The following BMPR1A variants were observed in gnomAD, a reference collection of about 807,000 sequenced individuals.
The protein encoded by BMPR1A is bone morphogenetic protein receptor type-1A.
In BMPR1A, 7 loss-of-function variants were observed where a neutral mutation model predicts 66.0. The observed-to-expected ratio is 0.11, with a 90% CI of 0.06 to 0.20. The LOEUF (loss-of-function observed/expected upper bound fraction) is 0.20. Among genes scored for constraint, BMPR1A ranks in the 10% least tolerant of loss-of-function variants. BMPR1A has a pLI of 1.00. For synonymous variants in BMPR1A, 200 were observed against 229.7 expected, an observed-to-expected ratio of 0.87 and a Z score of 1.17; for missense variants, 408 against 669.1, an observed-to-expected ratio of 0.61 and a Z score of 4.31.
intron 1 of BMPR1A, among the ~76,000 whole-genome samples, chr10:86,804,265 G>C (rs1841853692): frequency 6.6e-6 from 1 of 152,170 alleles, no homozygotes; most frequent in South Asian, 2.1e-4. Context: ...TTTTGAGACA[G>C]AGTCTTGTTC....
At chr10:86,872,189 A>G (rs1842862501) in intron 2 of BMPR1A, among the ~76,000 whole-genome samples, 1 of 152,212 alleles carries the variant, frequency 6.6e-6, no homozygotes, top group Non-Finnish European at 1.5e-5. Flanking sequence ...AATTTCTTGC[A>G]GATTGAATTG....
At chr10:86,892,277 T>G (rs1229446579) in intron 5 of BMPR1A, 48 bp downstream of exon 5, 6 of 1,468,990 alleles carry the variant, frequency 4.1e-6, no homozygotes, top group Non-Finnish European at 4.8e-6. Flanking sequence ...AGGGGCCATA[T>G]GAAAGCATCG....
At chr10:86,842,692 A>G (rs1165928878) in intron 2 of BMPR1A, among the ~76,000 whole-genome samples, 2 of 152,192 alleles carry the variant, frequency 1.3e-5, no homozygotes, top group South Asian at 2.1e-4. Context: ...AGACTGGGCA[A>G]TTTGTAAAGG....
chr10:86,868,500 C>T (rs930912386), intron 2 of BMPR1A, among the ~76,000 whole-genome samples: 1 of 152,156 alleles, frequency 6.6e-6, no homozygotes, highest in Non-Finnish European at 1.5e-5. Flanking sequence ...AGCAGCCATG[C>T]GAACAATGGC....
intron 3 of BMPR1A, among the ~76,000 whole-genome samples, chr10:86,883,778 A>G (rs940576655): frequency 2.6e-5 from 4 of 152,136 alleles, no homozygotes; most frequent in Non-Finnish European, 4.4e-5. Context: ...TCAAAACAAA[A>G]AAAACAAAAA....
At chr10:86,804,792 G>GTTTTTTTTTTT (rs5786747) in intron 1 of BMPR1A, among the ~76,000 whole-genome samples, 2 of 57,266 alleles carry the variant, frequency 3.5e-5, no homozygotes, top group African/African-American at 1.6e-4. Context: ...GTTTGTAGGT[G>GTTTTTTTTTTT]TTTTTTTTTT....
At chr10:86,825,272 A>C (rs1203096915) in intron 1 of BMPR1A, among the ~76,000 whole-genome samples, 1 of 151,578 alleles carries the variant, frequency 6.6e-6, no homozygotes, top group African/African-American at 2.4e-5. Flanking sequence ...CCCAGCCAAG[A>C]AATCCCATTC....
intron 1 of BMPR1A, among the ~76,000 whole-genome samples, chr10:86,762,773 T>A (rs1459579715): frequency 2.0e-5 from 3 of 152,208 alleles, no homozygotes; most frequent in African/African-American, 4.8e-5. Context: ...GTTACAAGAC[T>A]GATAAGGGAA....
chr10:86,786,696 G>T (rs1841523252), intron 1 of BMPR1A, among the ~76,000 whole-genome samples: 1 of 152,164 alleles, frequency 6.6e-6, no homozygotes, highest in African/African-American at 2.4e-5. Flanking sequence ...TTTGACGGAA[G>T]TCCAAATTTT....
At chr10:86,859,326 TTTA>T (rs1020358444) in intron 2 of BMPR1A, among the ~76,000 whole-genome samples, 45 of 152,150 alleles carry the variant, frequency 3.0e-4, no homozygotes, top group African/African-American at 1.1e-3. Context: ...TCTATTTTCT[TTTA>T]TTATTATTAT....
At chr10:86,856,848 C>G (rs1842648206) in intron 2 of BMPR1A, among the ~76,000 whole-genome samples, 1 of 152,150 alleles carries the variant, frequency 6.6e-6, no homozygotes, top group African/African-American at 2.4e-5. Flanking sequence ...CCATGAATCC[C>G]CTCAAGTTTG....
chr10:86,822,402 C>T (rs1251864667), intron 1 of BMPR1A, among the ~76,000 whole-genome samples: 2 of 152,154 alleles, frequency 1.3e-5, no homozygotes, highest in African/African-American at 4.8e-5. Context: ...AAAGGGCACA[C>T]ACTTCAATGG....
chr10:86,859,440 G>A (rs1371344830), intron 2 of BMPR1A, among the ~76,000 whole-genome samples: 1 of 151,940 alleles, frequency 6.6e-6, no homozygotes, highest in Non-Finnish European at 1.5e-5. Context: ...AAGTGCTGGG[G>A]TTATAGGTGT....
intron 7 of BMPR1A, among the ~76,000 whole-genome samples, chr10:86,906,321 C>A (rs987151662): frequency 1.3e-5 from 2 of 151,624 alleles, no homozygotes; most frequent in African/African-American, 4.8e-5. Flanking sequence ...GTGTGTGTTT[C>A]TTTTTTGGTA....
At chr10:86,888,490 C>T (rs907134961) in intron 3 of BMPR1A, among the ~76,000 whole-genome samples, 1 of 151,996 alleles carries the variant, frequency 6.6e-6, no homozygotes, top group South Asian at 2.1e-4. Context: ...TCTCTATACT[C>T]ATTCAGTAGC....
intron 2 of BMPR1A, chr10:86,856,017 C>A (rs944583305): frequency 3.2e-6 from 2 of 622,706 alleles, no homozygotes; most frequent in Non-Finnish European, 6.1e-6. Flanking sequence ...ATGCCTCTCA[C>A]CGTACTGGAG....
In BMPR1A at chr10:86,790,222, T is replaced by A. The variant is rs868762893; in HGVS notation, c.-268+33303T>A. 1.7e-3 allele frequency among the ~76,000 whole-genome samples: 99 copies of A among 57,134 alleles called. 4 individuals carry two copies. Among genetic ancestry groups the A allele is most frequent in the African/African-American group, 4.4e-3 (71 of 16,270 alleles). The allele number at this position is 57,134 out of a possible 152,430, so 37.5% of individuals were successfully genotyped here. A position where few individuals can be genotyped will look rare whatever the true frequency, so the allele number is the denominator to read the frequency against. On this transcript the variant is annotated intron_variant, in intron 1 of 12. Transcript: ENST00000372037. ...ATATATATATATATATATATATATA[T>A]ATATATATATATATCAAAACCACAA...
In BMPR1A at chr10:86,919,422, T is replaced by C. The variant is rs1224219121; in HGVS notation, c.1119T>C (p.Asn373=). Residue 373 remains asparagine (N), a synonymous_variant, in exon 10 of 13, where the codon AAT becomes AAC. Coordinates refer to ENST00000372037, the MANE Select transcript of BMPR1A (RefSeq NM_004329.3). The part of the protein sequence containing the change: ...LKSKNILIKK[N]GSCCIADLGL... ...GCAAAAACATCCTCATCAAGAAAAA[T>C]GGGAGTTGCTGCATTGCTGACCTGG... 1.2e-6 allele frequency: 2 copies of C among 1,613,242 alleles called. No homozygotes were observed. Among genetic ancestry groups the C allele is most frequent in the Non-Finnish European group, 1.7e-6 (2 of 1,179,824 alleles).
chr10:86,895,188 G>A (rs766943722), intron 5 of BMPR1A, among the ~76,000 whole-genome samples: 2 of 152,172 alleles, frequency 1.3e-5, no homozygotes, highest in Admixed American at 6.5e-5. Flanking sequence ...AATAATTTTC[G>A]ATGATAGGAT....
Sources: allele counts gnomAD v4.1 joint callset (sites outside exome capture counted in the v4.1 genomes callset), GRCh38; gene constraint gnomAD v4.1.1; transcripts MANE v1.5; gene names NCBI Gene and HGNC (gene_info 2026-07-23, HGNC 2026-07-21).